OASL: variants seen among roughly 807,000 people sequenced by gnomAD.
The protein encoded by OASL is 2'-5'-oligoadenylate synthetase like, also known as 2'-5'-oligoadenylate synthase-like protein.
In OASL, 28 loss-of-function variants were observed where a neutral mutation model predicts 35.3. The ratio of observed to expected loss-of-function variants is 0.79; its 90% CI spans 0.59 to 1.09. The LOEUF is 1.09. Ranked by LOEUF, OASL falls within the 50% of genes least tolerant of loss-of-function variation. The pLI, the probability that OASL is intolerant of heterozygous loss-of-function variation, is 0.00. For missense variants in OASL, 620 were observed against 635.2 expected (o/e 0.98, Z 0.26); for synonymous variants, 252 against 254.6 (o/e 0.99, Z 0.10).
intron 5 of OASL, among the ~76,000 whole-genome samples, chr12:121,022,602 T>TC (rs1869292769): frequency 6.6e-6 from 1 of 152,116 alleles, no homozygotes; most frequent in African/African-American, 2.4e-5. Flanking sequence ...GGCCAGCGGG[T>TC]CCCCCCGTTT....
Position 121,031,792 on chromosome 12 carries a change from T to C in OASL, c.482-175A>G, listed in dbSNP as rs556507779. ...TGTCTAATTGTCCTTTTTGTGAAATTCTTACTCTGGAGAACCAACATTGGG... is the reference window on the plus strand; with the variant it reads ...TGTCTAATTGTCCTTTTTGTGAAATCCTTACTCTGGAGAACCAACATTGGG... On this transcript the variant is annotated intron_variant, in intron 2 of 5. Transcript: ENST00000257570. Among the ~76,000 whole-genome samples the C allele has an allele frequency of 3.3e-5, 5 of 152,266 alleles. No individual in the cohort carries two copies. In the South Asian group the frequency reaches 1.0e-3, roughly 32 times the overall value.
At chr12:121,021,916 G>T (rs531461350) in intron 5 of OASL, among the ~76,000 whole-genome samples, 1 of 152,108 alleles carries the variant, frequency 6.6e-6, no homozygotes, top group African/African-American at 2.4e-5. Context: ...GTGTGTGTTT[G>T]TTTTGTTTTT....
chr12:121,018,123 A>T, downstream of OASL, among the ~76,000 whole-genome samples: 1 of 152,178 alleles, frequency 6.6e-6, no homozygotes, highest in Non-Finnish European at 1.5e-5. Context: ...AGGTGATGGT[A>T]TTAGGAGGTG....
chr12:121,025,708 G>C (rs1211131836), intron 4 of OASL, among the ~76,000 whole-genome samples: 1 of 151,094 alleles, frequency 6.6e-6, no homozygotes, highest in Non-Finnish European at 1.5e-5. Flanking sequence ...GTTGCAGTGA[G>C]CCAAGATCGT....
chr12:121,027,603 C>T (rs1869541935), exon 4 of OASL: 1 of 1,614,202 alleles, frequency 6.2e-7, no homozygotes, highest in Non-Finnish European at 8.5e-7. Context: ...TTTTCTGACA[C>T]AATCCTCAAT....
intron 5 of OASL, 58 bp downstream of exon 5, chr12:121,023,932 G>A: frequency 3.8e-6 from 6 of 1,594,900 alleles, no homozygotes; most frequent in Non-Finnish European, 5.1e-6. Flanking sequence ...TAAATACTGA[G>A]TAGTTTATCT....
chr12:121,020,525 A>C, exon 6 of OASL: 1 of 1,559,904 alleles, frequency 6.4e-7, no homozygotes, highest in Non-Finnish European at 8.7e-7. Flanking sequence ...TCTGGAGTAC[A>C]TGGCAGAAAT....
At chr12:121,038,668 A>G in intron 1 of OASL, 106 bp downstream of exon 1, 14 of 1,056,436 alleles carry the variant, frequency 1.3e-5, no homozygotes, top group Admixed American at 7.6e-5. Flanking sequence ...AGATGTCATC[A>G]GCATGGGCTA....
At chr12:121,021,034 C>T (rs760159703) in exon 6 of OASL, 7 of 1,600,408 alleles carry the variant, frequency 4.4e-6, no homozygotes, top group Non-Finnish European at 6.0e-6. Context: ...CTCTGCTCCA[C>T]TGTCAAGTGG....
intron 3 of OASL, among the ~76,000 whole-genome samples, 159 bp from the exon 4 acceptor site, chr12:121,027,976 T>A (rs1869561142): frequency 6.6e-6 from 1 of 152,152 alleles, no homozygotes; most frequent in African/African-American, 2.4e-5. Context: ...TAGACATAGG[T>A]TTCACCATTT....
chr12:121,033,739 C>T (rs1241967329), exon 2 of OASL: 38 of 1,611,756 alleles, frequency 2.4e-5, no homozygotes, highest in Non-Finnish European at 3.1e-5. Flanking sequence ...CCCGAAGGAG[C>T]CCACCTGCAG....
intron 4 of OASL, among the ~76,000 whole-genome samples, chr12:121,025,811 T>C (rs1869460312): frequency 6.6e-6 from 1 of 151,642 alleles, no homozygotes; most frequent in African/African-American, 2.4e-5. Flanking sequence ...CAGCCCTTTG[T>C]ACTCCAGGGC....
intron 5 of OASL, among the ~76,000 whole-genome samples, chr12:121,021,431 T>A (rs1869231561): frequency 6.6e-6 from 1 of 152,194 alleles, no homozygotes. Context: ...GAGGCTACAC[T>A]CCAGGGCCTG....
exon 1 of OASL, chr12:121,038,887 A>C: frequency 6.2e-7 from 1 of 1,611,268 alleles, no homozygotes. Context: ...TCTTCCTTCC[A>C]CTCCCGGTGG....
chr12:121,029,422 C>T (rs549523562), intron 3 of OASL, among the ~76,000 whole-genome samples: 1 of 152,346 alleles, frequency 6.6e-6, no homozygotes, highest in African/African-American at 2.4e-5. Context: ...GGCTCAGTGG[C>T]TCACGCCTGT....
rs763085279 is a variant in OASL, at chr12:121,033,695, C to A, written c.247G>T (p.Glu83Ter). The change falls in exon 2 of 6, where the codon GAG becomes TAG. Residue 83 changes from glutamate to a stop codon, truncating the protein, a stop_gained. Coordinates refer to ENST00000257570, the Ensembl canonical transcript of OASL. LOFTEE classifies it high-confidence loss of function. ...AAACAGCTCAGAAACGCCACCAGCT[C>A]CACCTCTCTGGTGCTCCTGAGAACC... 1 of 1,614,048 alleles carries A rather than the reference C, an allele frequency of 6.2e-7. No individual in the cohort carries two copies. The highest frequency in any genetic ancestry group is 1.1e-5 in the South Asian group (1 of 91,078).
exon 6 of OASL, chr12:121,019,495 T>C (rs1248809566): frequency 1.3e-5 from 2 of 152,218 alleles, no homozygotes; most frequent in African/African-American, 2.4e-5. Flanking sequence ...TATTATGTAC[T>C]GTTTGTGTAT....
intron 4 of OASL, 61 bp from the exon 5 acceptor site, chr12:121,024,198 A>G: frequency 6.4e-7 from 1 of 1,565,266 alleles, no homozygotes; most frequent in East Asian, 2.3e-5. Flanking sequence ...AAGCCAGAAA[A>G]AAACCTTCTC....
At chr12:121,028,582 A>G (rs1359955998) in intron 3 of OASL, among the ~76,000 whole-genome samples, 1 of 151,940 alleles carries the variant, frequency 6.6e-6, no homozygotes, top group Non-Finnish European at 1.5e-5. Flanking sequence ...ATTCCAGAGA[A>G]ACAGAGCCAG....
Sources: allele counts gnomAD v4.1 joint callset (sites outside exome capture counted in the v4.1 genomes callset), GRCh38; gene constraint gnomAD v4.1.1; transcripts MANE v1.5; gene names NCBI Gene and HGNC (gene_info 2026-07-23, HGNC 2026-07-21).